The following XKR9 variants were observed in gnomAD, a reference collection of about 807,000 sequenced individuals.
The protein encoded by XKR9 is XK related 9, also known as XK-related protein 9.
XKR9 carries 32 observed loss-of-function variants against 32.0 expected under a neutral mutation model. That is an observed-to-expected ratio of 1.00 (90% CI 0.76 to 1.34). The LOEUF is 1.34. XKR9 is among the 40% of genes most tolerant of loss of function. The pLI is 0.00. For missense variants in XKR9, 546 were observed against 429.7 expected, an observed-to-expected ratio of 1.27 and a Z score of -2.39; for synonymous variants, 168 against 143.4, an observed-to-expected ratio of 1.17 and a Z score of -1.22.
the XKR9 span, among the ~76,000 whole-genome samples, chr8:70,952,860 CT>C: frequency 6.6e-6 from 1 of 152,234 alleles, no homozygotes; most frequent in Admixed American, 6.5e-5. Flanking sequence ...CCTGAGAACT[CT>C]TTGGTTACTG....
At chr8:70,676,740 G>A (rs2132102682) in intron 2 of XKR9, among the ~76,000 whole-genome samples, 1 of 152,200 alleles carries the variant, frequency 6.6e-6, no homozygotes, top group East Asian at 1.9e-4. Context: ...GCCAGGTATG[G>A]TACCTGTGCT....
At chr8:70,755,623 A>G (rs1282246705) in intron 2 of XKR9, among the ~76,000 whole-genome samples, 2 of 151,956 alleles carry the variant, frequency 1.3e-5, no homozygotes, top group Non-Finnish European at 2.9e-5. Flanking sequence ...CATGGATGAA[A>G]TTGGAAATCA....
chr8:70,882,881 A>G, the XKR9 span, among the ~76,000 whole-genome samples: 5 of 149,888 alleles, frequency 3.3e-5, no homozygotes, highest in East Asian at 9.7e-4. Context: ...CACGCAGAAT[A>G]GTTTTACTGT....
intron 2 of XKR9, among the ~76,000 whole-genome samples, chr8:70,784,591 T>G (rs1807658824): frequency 6.6e-6 from 1 of 152,002 alleles, no homozygotes; most frequent in South Asian, 2.1e-4. Flanking sequence ...ATTTTTTTTT[T>G]TATTGGTAGA....
At chr8:70,721,824 G>T (rs1465149239) in intron 4 of XKR9, among the ~76,000 whole-genome samples, 1 of 151,556 alleles carries the variant, frequency 6.6e-6, no homozygotes, top group Non-Finnish European at 1.5e-5. Context: ...AGGTCCTCTT[G>T]GTCCAGAGCT....
At chr8:70,855,039 T>G in the XKR9 span, among the ~76,000 whole-genome samples, 1 of 152,146 alleles carries the variant, frequency 6.6e-6, no homozygotes, top group Non-Finnish European at 1.5e-5. Flanking sequence ...TTTAAAGTAG[T>G]TTTTTCCAAT....
chr8:70,938,907 C>T, the XKR9 span, among the ~76,000 whole-genome samples: 1 of 151,090 alleles, frequency 6.6e-6, no homozygotes, highest in Non-Finnish European at 1.5e-5. Context: ...TTCATGATGT[C>T]TGAGGATCCC....
the XKR9 span, among the ~76,000 whole-genome samples, chr8:70,810,183 C>A: frequency 1.3e-5 from 2 of 152,128 alleles, no homozygotes; most frequent in African/African-American, 2.4e-5. Context: ...TCATATCCAG[C>A]CAAACTAAGC....
the XKR9 span, among the ~76,000 whole-genome samples, chr8:70,813,908 A>G: frequency 6.6e-6 from 1 of 152,232 alleles, no homozygotes; most frequent in Non-Finnish European, 1.5e-5. Flanking sequence ...ATCTAGAACT[A>G]GAAATACCAT....
the XKR9 span, among the ~76,000 whole-genome samples, chr8:70,966,308 G>A: frequency 6.6e-6 from 1 of 151,992 alleles, no homozygotes; most frequent in African/African-American, 2.4e-5. Flanking sequence ...GGGTTCAGTG[G>A]CGCAATTTCG....
chr8:71,036,532 G>T, the XKR9 span, among the ~76,000 whole-genome samples: 1 of 152,112 alleles, frequency 6.6e-6, no homozygotes, highest in East Asian at 1.9e-4. Context: ...TGGGGTCAAA[G>T]AACAGGGGAT....
the XKR9 span, among the ~76,000 whole-genome samples, chr8:70,821,748 G>T: frequency 3.3e-5 from 5 of 152,170 alleles, no homozygotes; most frequent in Non-Finnish European, 7.3e-5. Context: ...TTAAGCCACG[G>T]CTGGGATGCA....
chr8:70,884,659 A>G, the XKR9 span, among the ~76,000 whole-genome samples: 1 of 152,246 alleles, frequency 6.6e-6, no homozygotes, highest in South Asian at 2.1e-4. Flanking sequence ...TCACCATTAA[A>G]TTGCCTTTTA....
At chr8:70,697,824 C>T (rs1317737551) in intron 3 of XKR9, among the ~76,000 whole-genome samples, 207 of 151,570 alleles carry the variant, frequency 1.4e-3, no homozygotes, top group African/African-American at 4.5e-3. Context: ...TGGACTCTTT[C>T]TGGTTGGTAA....
chr8:70,940,053 A>G, the XKR9 span, among the ~76,000 whole-genome samples: 1 of 152,046 alleles, frequency 6.6e-6, no homozygotes, highest in African/African-American at 2.4e-5. Flanking sequence ...CAAACACCGA[A>G]TATGTAGAGT....
chr8:70,854,991 A>G, the XKR9 span, among the ~76,000 whole-genome samples: 1 of 152,002 alleles, frequency 6.6e-6, no homozygotes, highest in East Asian at 1.9e-4. Context: ...CTTAGGATTG[A>G]CTTGGCAATG....
At chr8:70,788,060 CTTAA>C (rs1376549424) in intron 2 of XKR9, among the ~76,000 whole-genome samples, 4 of 152,012 alleles carry the variant, frequency 2.6e-5, no homozygotes, top group African/African-American at 9.7e-5. Context: ...TGATAAATAA[CTTAA>C]TTAATTTCAG....
intron 2 of XKR9, among the ~76,000 whole-genome samples, chr8:70,758,642 G>A (rs191260908): frequency 6.6e-6 from 1 of 152,172 alleles, no homozygotes. Context: ...ATTGTCCTAT[G>A]ATACAATGGC....
the XKR9 span, among the ~76,000 whole-genome samples, chr8:70,812,505 C>T: frequency 1.3e-5 from 2 of 152,088 alleles, no homozygotes; most frequent in Non-Finnish European, 2.9e-5. Context: ...TCAAATTGTC[C>T]CTGTTTGCAG....
Sources: gnomAD v4.1 joint callset for allele counts (sites outside exome capture counted in the v4.1 genomes callset) on GRCh38, gnomAD v4.1.1 for gene constraint, MANE v1.5 for transcripts, NCBI Gene and HGNC (gene_info 2026-07-23, HGNC 2026-07-21) for gene names.